Variants in LEF1 observed in about 807,000 individuals in gnomAD.
LEF1 encodes the protein lymphoid enhancer binding factor 1, also known as lymphoid enhancer-binding factor 1.
A neutral mutation model predicts 51.2 loss-of-function variants in LEF1; 14 were observed. That is an observed-to-expected ratio of 0.27 (90% confidence interval 0.18 to 0.43). LEF1 has a LOEUF of 0.43. LEF1 is among the 20% of genes least tolerant of loss of function. The probability of loss-of-function intolerance (pLI) is 1.00; values close to 1 mark genes in which losing one functional copy is unlikely to be tolerated. For synonymous variants in LEF1, 185 were observed against 183.2 expected (o/e 1.01, Z -0.08); for missense variants, 386 against 512.0 (o/e 0.75, Z 2.37).
intron 3 of LEF1, among the ~76,000 whole-genome samples, chr4:108,100,492 A>G (rs1740749557): frequency 3.3e-5 from 5 of 152,246 alleles, no homozygotes; most frequent in Admixed American, 3.3e-4. Context: ...TATTAAAAAT[A>G]GAAAATTTTC....
At chr4:108,125,667 T>C (rs923047132) in intron 3 of LEF1, among the ~76,000 whole-genome samples, 4 of 152,140 alleles carry the variant, frequency 2.6e-5, no homozygotes, top group Non-Finnish European at 5.9e-5. Flanking sequence ...TTTTTACAAC[T>C]TTAAGTTCTA....
chr4:108,104,186 T>G (rs1460024007), intron 3 of LEF1, among the ~76,000 whole-genome samples: 1 of 152,018 alleles, frequency 6.6e-6, no homozygotes, highest in Non-Finnish European at 1.5e-5. Context: ...TGTATATGTA[T>G]ATGAAATGTC....
At chr4:108,113,741 T>C (rs1741667868) in intron 3 of LEF1, among the ~76,000 whole-genome samples, 1 of 152,218 alleles carries the variant, frequency 6.6e-6, no homozygotes. Context: ...AAATTGCAGG[T>C]ATGCATGTCG....
intron 11 of LEF1, among the ~76,000 whole-genome samples, chr4:108,052,578 C>T (rs191056393): frequency 2.2e-4 from 33 of 152,292 alleles, no homozygotes; most frequent in Non-Finnish European, 3.7e-4. Context: ...TTCTGCTGCA[C>T]AATGTCATGT....
intron 3 of LEF1, among the ~76,000 whole-genome samples, chr4:108,108,374 T>C (rs538095882): frequency 6.6e-6 from 1 of 152,308 alleles, no homozygotes; most frequent in South Asian, 2.1e-4. Flanking sequence ...CAGCTTCTTC[T>C]AGATTTGACT....
chr4:108,127,612 G>A (rs1742627757), intron 3 of LEF1, among the ~76,000 whole-genome samples: 2 of 152,096 alleles, frequency 1.3e-5, no homozygotes, highest in Admixed American at 6.6e-5. Context: ...TTCTGAACAG[G>A]TTTCATAGCT....
intron 3 of LEF1, among the ~76,000 whole-genome samples, chr4:108,145,958 A>C (rs1425975943): frequency 2.6e-5 from 4 of 152,144 alleles, no homozygotes; most frequent in African/African-American, 9.7e-5. Context: ...TATACTAAAA[A>C]CCACTACACT....
chr4:108,070,494 C>T lies in LEF1; in HGVS notation c.1116+169G>A, dbSNP rs144665195. 6.8e-5 allele frequency: 29 copies of T among 425,328 alleles called. 1 individual carries two copies. The highest frequency in any genetic ancestry group is 2.0e-4 in the African/African-American group (10 of 49,332). 26.3% of individuals were successfully genotyped at this position (425,328 alleles called of 1,614,324 possible). ...CCATAGCAAAAAAAAAAAGATAGCT[C>T]GAAGCTTTCATAATGCAATATATCC... On this transcript the variant is annotated intron_variant, in intron 9 of 11. Transcript: ENST00000265165.
At chr4:108,147,728 CTAAA>C (rs1744085918) in intron 3 of LEF1, among the ~76,000 whole-genome samples, 1 of 152,188 alleles carries the variant, frequency 6.6e-6, no homozygotes, top group Admixed American at 6.5e-5. Context: ...TATGTGGTAA[CTAAA>C]TAATATTTTT....
chr4:108,120,141 C>T (rs1345281944), intron 3 of LEF1, among the ~76,000 whole-genome samples: 2 of 152,066 alleles, frequency 1.3e-5, no homozygotes, highest in East Asian at 3.9e-4. Flanking sequence ...AAGGAACCCT[C>T]CTGCCTCAAC....
intron 1 of LEF1, chr4:108,166,138 A>G: frequency 3.9e-6 from 3 of 767,050 alleles, no homozygotes; most frequent in Non-Finnish European, 5.8e-6. Context: ...AGCACACAGT[A>G]GTCACAAATC....
In LEF1 at chr4:108,167,723, C is replaced by T. The variant is rs747979334; in HGVS notation, c.45G>A (p.Pro15=). The change falls in exon 1 of 12, where the codon CCG becomes CCA. Residue 15 remains proline (P), a synonymous_variant. Transcript: ENST00000265165. This position sits in a 1 kb window ranked among gnomAD's most constrained non-coding sequence, Gnocchi z 5.7. ...TCATCTCGTCCGTGGCGCAGAGTTC[C>T]GGGTCCCCCCCGCCGCCGCCACCTC... ...SGGGGGGGGD[P]ELCATDEMIP... 1.9e-6 allele frequency: 3 copies of T among 1,613,830 alleles called. No individual in the cohort carries two copies. The highest frequency in any genetic ancestry group is 2.5e-6 in the Non-Finnish European group (3 of 1,180,032).
intron 4 of LEF1, among the ~76,000 whole-genome samples, 164 bp from the exon 5 acceptor site, chr4:108,083,610 T>C (rs1739456652): frequency 6.6e-6 from 1 of 152,244 alleles, no homozygotes; most frequent in Admixed American, 6.5e-5. Flanking sequence ...TCTCAAGATT[T>C]CAACATCTGG....
intron 3 of LEF1, among the ~76,000 whole-genome samples, chr4:108,098,313 T>A (rs1457181000): frequency 1.3e-5 from 2 of 151,970 alleles, no homozygotes; most frequent in Admixed American, 6.6e-5. Context: ...GGACTCTAGA[T>A]CTCCTGTGGC....
Position 108,070,574 on chromosome 4 carries a change from T to C in LEF1, c.1116+89A>G. The C allele has an allele frequency of 5.0e-6, 4 of 804,746 alleles. No individual in the cohort carries two copies. In the South Asian group the frequency reaches 6.9e-5, roughly 14 times the overall value. 49.9% of individuals were successfully genotyped at this position (804,746 alleles called of 1,614,324 possible). On this transcript the variant is annotated intron_variant, in intron 9 of 11. Transcript: ENST00000265165. ...TTCCAAAAAATAAGTAGTACCAGCA[T>C]TATATACACCTAAAACACATTTCCT...
intron 3 of LEF1, among the ~76,000 whole-genome samples, chr4:108,138,512 C>CACACAT: frequency 6.6e-6 from 1 of 152,108 alleles, no homozygotes; most frequent in East Asian, 1.9e-4. Flanking sequence ...TGTATACACA[C>CACACAT]ACACACACAC....
intron 3 of LEF1, among the ~76,000 whole-genome samples, chr4:108,105,910 G>C (rs921200309): frequency 6.6e-6 from 1 of 152,200 alleles, no homozygotes; most frequent in African/African-American, 2.4e-5. Context: ...TTCCAGAGCT[G>C]AAGGAGCCTA....
chr4:108,069,934 G>T (rs1738344345), intron 9 of LEF1, among the ~76,000 whole-genome samples: 1 of 143,570 alleles, frequency 7.0e-6, no homozygotes, highest in Non-Finnish European at 1.5e-5. Flanking sequence ...CTCCAGCCTG[G>T]GCGACAGAGT....
At chr4:108,076,516 T>C (rs936556560) in intron 8 of LEF1, among the ~76,000 whole-genome samples, 3 of 152,082 alleles carry the variant, frequency 2.0e-5, no homozygotes, top group Non-Finnish European at 2.9e-5. Context: ...GCTGAGATTA[T>C]AGGCATCCAC....
Sources: gnomAD v4.1 joint callset for allele counts (sites outside exome capture counted in the v4.1 genomes callset) on GRCh38, gnomAD v4.1.1 for gene constraint, Gnocchi (gnomAD v3.1) non-coding constraint, MANE v1.5 for transcripts, NCBI Gene and HGNC (gene_info 2026-07-23, HGNC 2026-07-21) for gene names.